The following RABL6 variants were observed in gnomAD, a reference collection of about 807,000 sequenced individuals.
RABL6 encodes the protein rab-like protein 6.
RABL6 carries 28 observed loss-of-function variants against 72.9 expected under a neutral mutation model. That is an observed-to-expected ratio of 0.38 (90% confidence interval 0.28 to 0.53). The LOEUF (loss-of-function observed/expected upper bound fraction) is 0.53, where lower values mean the gene tolerates loss of function less well. RABL6 is among the 20% of genes least tolerant of loss of function. The pLI is 0.80. For missense variants in RABL6, 1,029 were observed against 1,008.4 expected (o/e 1.02, Z -0.28); for synonymous variants, 477 against 421.2 (o/e 1.13, Z -1.62).
In RABL6 at chr9:136,821,297, C is replaced by G. The variant is rs191002568; in HGVS notation, c.131-2228C>G. Reference sequence around the variant, plus strand: ...CGGGAAAACGGGCGGTCGCTGTGACCGTCTCTGCGCTCTCCGCGTTGCTAA... The same window carrying G: ...CGGGAAAACGGGCGGTCGCTGTGACGGTCTCTGCGCTCTCCGCGTTGCTAA... On this transcript the variant is annotated intron_variant, in intron 1 of 14. Coordinates refer to ENST00000311502, the MANE Select transcript of RABL6 (RefSeq NM_024718.5). 5 of 982,000 alleles carry G rather than the reference C, an allele frequency of 5.1e-6. No individual in the cohort carries two copies. The African/African-American group carries it at 8.7e-5, about 17-fold the overall frequency. The allele number at this position is 982,000 out of a possible 1,614,324, so 60.8% of individuals were successfully genotyped here. A position where few individuals can be genotyped will look rare whatever the true frequency, so the allele number is the denominator to read the frequency against.
At chr9:136,815,201 G>T in intron 1 of RABL6, 2 of 327,862 alleles carry the variant, frequency 6.1e-6, no homozygotes, top group Non-Finnish European at 5.9e-6. Flanking sequence ...CCCCTTGGCT[G>T]GGGTGTCCCT....
At position 136,828,304 on chromosome 9, in the gene RABL6, CCTA is replaced by C. The variant is rs1365201158; in HGVS notation, c.314-188_314-186del. 1.2e-5 allele frequency: 7 copies of C among 603,176 alleles called. No individual in the cohort carries two copies. In the Admixed American group the frequency reaches 1.7e-4, roughly 14 times the overall value. 37.4% of individuals were successfully genotyped at this position (603,176 alleles called of 1,614,324 possible). A position where few individuals can be genotyped will look rare whatever the true frequency, so the allele number is the denominator to read the frequency against. On this transcript the variant is annotated intron_variant, in intron 3 of 14. Transcript: ENST00000311502. ...GCCCGGCCCAGCCCTGCCTCCAGAG[CCTA>C]CAGAGGGGCCTCGCCCAGGTCCTGC...
At chr9:136,828,346 G>A (rs79196669) in intron 3 of RABL6, 148 bp from the exon 4 acceptor site, 2 of 734,210 alleles carry the variant, frequency 2.7e-6, no homozygotes, top group Middle Eastern at 3.8e-4. Flanking sequence ...TCCAGAGCTT[G>A]TGGGTGCCCA....
In RABL6 at chr9:136,823,599, G is replaced by C. The variant is rs745817863; in HGVS notation, c.205G>C (p.Val69Leu). 1.2e-6 allele frequency: 2 copies of C among 1,613,664 alleles called. No homozygotes were observed. The highest frequency in any genetic ancestry group is 1.7e-6 in the Non-Finnish European group (2 of 1,179,832). ...GCACCGCCTGCAGGGCCGGCCGTTC[G>C]TGGAGGAGTACATCCCCACACAGGA... ...LWHRLQGRPF[V>L]EEYIPTQEIQ... Residue 69 changes from valine (V) to leucine (L), a missense_variant, in exon 2 of 15, where the codon GTG (valine) becomes CTG (leucine). Val to Leu is a conservative substitution (Grantham distance 32). Transcript: ENST00000311502.
At position 136,832,316 on chromosome 9, in the gene RABL6, C is replaced by T; in HGVS notation, c.651C>T (p.Ser217=). 6.2e-7 allele frequency: 1 copy of T among 1,613,974 alleles called. No individual in the cohort carries two copies. The highest frequency in any genetic ancestry group is 8.5e-7 in the Non-Finnish European group (1 of 1,179,856). Residue 217 remains serine, a synonymous_variant, in exon 7 of 15, where the codon AGC becomes AGT. Coordinates refer to ENST00000311502, the MANE Select transcript of RABL6 (RefSeq NM_024718.5). Reference sequence around the variant, plus strand: ...ATGCTGAGTCTTCCATGAAGAACAGCTTCGGCCTAAAGTACCTTCATAAGT... The same window carrying T: ...ATGCTGAGTCTTCCATGAAGAACAGTTTCGGCCTAAAGTACCTTCATAAGT... ...FRYAESSMKN[S]FGLKYLHKFF...
chr9:136,823,689 G>C (rs778617637), intron 2 of RABL6, 30 bp downstream of exon 2: 3 of 1,577,148 alleles, frequency 1.9e-6, no homozygotes, highest in South Asian at 2.3e-5. Flanking sequence ...CAGTGGGTTC[G>C]GGCTCCAGGC....
Position 136,840,736 on chromosome 9 carries a change from G to A in RABL6, c.*214G>A. 5.2e-6 allele frequency: 8 copies of A among 1,548,502 alleles called. No homozygotes were observed. The highest frequency in any genetic ancestry group is 7.0e-6 in the Non-Finnish European group (8 of 1,146,816). ...GAGCCTGCTCTGCAAGAAGGGAGGG[G>A]ACAGCTGGCTTCAGCCAGGCTCGGT... On this transcript the variant is annotated 3_prime_UTR_variant, in exon 15 of 15. Transcript: ENST00000311502.
At position 136,841,145 on chromosome 9, in the gene RABL6, C is replaced by A; in HGVS notation, c.*623C>A. On this transcript the variant is annotated 3_prime_UTR_variant, in exon 15 of 15. Coordinates refer to ENST00000311502, the MANE Select transcript of RABL6 (RefSeq NM_024718.5). ...GGCAGGAGCCGGGAGGCACTCCTCC[C>A]AAACACTCCACTCAGACCATAAAGC... 1 of 936,430 alleles carries A rather than the reference C, an allele frequency of 1.1e-6. No homozygotes were observed. The highest frequency in any genetic ancestry group is 1.5e-6 in the Non-Finnish European group (1 of 672,524). 58.0% of individuals were successfully genotyped at this position (936,430 alleles called of 1,614,324 possible).
At chr9:136,821,420 G>A in intron 1 of RABL6, 1 of 985,460 alleles carries the variant, frequency 1.0e-6, no homozygotes, top group Non-Finnish European at 1.2e-6. Context: ...CCGGGGCGGG[G>A]AGGCAGGGCC....
intron 1 of RABL6, among the ~76,000 whole-genome samples, chr9:136,817,553 A>AGGGGAGGCCGATGTGGGCTGT (rs1564360331): frequency 5.9e-5 from 1 of 17,040 alleles, no homozygotes; most frequent in African/African-American, 1.4e-4. Context: ...ACGTGGGCTG[A>AGGGGAGGCCGATGTGGGCTGT]GGGGAGGCCG....
chr9:136,832,193 TGG>T, intron 6 of RABL6, 70 bp from the exon 7 acceptor site: 1 of 1,397,178 alleles, frequency 7.2e-7, no homozygotes, highest in Non-Finnish European at 1.0e-6. Flanking sequence ...CCCACAGCTG[TGG>T]GCCCAGGGGT....
chr9:136,818,166 A>T (rs1848158565), intron 1 of RABL6, among the ~76,000 whole-genome samples: 1 of 151,104 alleles, frequency 6.6e-6, no homozygotes, highest in African/African-American at 2.4e-5. Flanking sequence ...GATCAAGACC[A>T]TCCTGGCTAA....
At chr9:136,819,392 G>A (rs2131169425) in intron 1 of RABL6, among the ~76,000 whole-genome samples, 1 of 152,044 alleles carries the variant, frequency 6.6e-6, no homozygotes, top group East Asian at 1.9e-4. Flanking sequence ...GGCTGGGGGA[G>A]GGGCAAGGGA....
chr9:136,822,327 C>A (rs1248602994), intron 1 of RABL6, among the ~76,000 whole-genome samples: 2 of 152,164 alleles, frequency 1.3e-5, no homozygotes, highest in African/African-American at 4.8e-5. Flanking sequence ...TCCCCACCAA[C>A]CCGGCTCCCT....
At chr9:136,813,568 TA>T (rs770169019) in intron 1 of RABL6, 3 of 375,778 alleles carry the variant, frequency 8.0e-6, no homozygotes, top group African/African-American at 2.2e-5. Flanking sequence ...GCAGTCCCTT[TA>T]CTCTTCCCAT....
Position 136,837,734 on chromosome 9 carries a change from C to T in RABL6, c.1126+72C>T, listed in dbSNP as rs55697032. On this transcript the variant is annotated intron_variant, in intron 9 of 14. Coordinates refer to ENST00000311502, the MANE Select transcript of RABL6 (RefSeq NM_024718.5). ...CCCTCACAGGTGGGGTCCTGGATTT[C>T]GGAGCGCTCCACGCTTCTTCCTGCT... 3.4e-5 allele frequency: 53 copies of T among 1,544,964 alleles called. No homozygotes were observed. The Admixed American group carries it at 3.5e-4, about 10-fold the overall frequency.
rs781535832 is a variant in RABL6, at chr9:136,837,923, C to T, written c.1188C>T (p.Asp396=). 25 of 1,554,508 alleles carry T rather than the reference C, an allele frequency of 1.6e-5. No homozygotes were observed. Among genetic ancestry groups the T allele is most frequent in the South Asian group, 3.6e-5 (3 of 84,290 alleles). The change falls in exon 10 of 15, where the codon GAC becomes GAT. Residue 396 remains aspartate (D), a synonymous_variant. Coordinates refer to ENST00000311502, the MANE Select transcript of RABL6 (RefSeq NM_024718.5). ...AGAGTGTGGAGGACTTTGTTCCTGA[C>T]GACCGCCTGGACCGCAGCTTCCTGG... is the stretch of plus-strand genomic sequence containing the variant. ...TVQSVEDFVP[D]DRLDRSFLED...
At chr9:136,814,260 C>CA in intron 1 of RABL6, 1 of 183,812 alleles carries the variant, frequency 5.4e-6, no homozygotes. Flanking sequence ...GTGCTCACTG[C>CA]AGCTTCCACC....
At position 136,835,998 on chromosome 9, in the gene RABL6, G is replaced by A. The variant is rs573675112; in HGVS notation, c.809+153G>A. The A allele has an allele frequency of 1.2e-5, 8 of 686,750 alleles. No individual in the cohort carries two copies. The African/African-American group carries it at 1.3e-4, about 11-fold the overall frequency. 42.5% of individuals were successfully genotyped at this position (686,750 alleles called of 1,614,324 possible). ...TTGGGCACGGGTGGAGGAGGACTCA[G>A]GTTTGCACTGCCCCCAGCAGCCCCC... On this transcript the variant is annotated intron_variant, in intron 8 of 14. Transcript: ENST00000311502.
Sources: gnomAD v4.1 joint callset for allele counts (sites outside exome capture counted in the v4.1 genomes callset) on GRCh38, gnomAD v4.1.1 for gene constraint, MANE v1.5 for transcripts, NCBI Gene and HGNC (gene_info 2026-07-23, HGNC 2026-07-21) for gene names.